Variants in PTPN1 observed in about 807,000 individuals in gnomAD.
PTPN1 encodes the protein protein tyrosine phosphatase non-receptor type 1.
Under a neutral mutation model 59.9 loss-of-function variants are expected in PTPN1, and 12 were observed. That is an observed-to-expected ratio of 0.20 (90% confidence interval 0.13 to 0.32). The LOEUF is 0.32. PTPN1 is among the 10% of genes least tolerant of loss of function. The pLI is 1.00. For synonymous variants in PTPN1, 178 were observed against 203.6 expected (o/e 0.87, Z 1.07); for missense variants, 356 against 549.2 (o/e 0.65, Z 3.52).
chr20:50,538,886 T>C (rs555422444), intron 1 of PTPN1, among the ~76,000 whole-genome samples: 1 of 152,266 alleles, frequency 6.6e-6, no homozygotes, highest in South Asian at 2.1e-4. Flanking sequence ...ATAAGCAAGA[T>C]TGTTTTACTT....
In PTPN1 at chr20:50,574,342, G is replaced by T. The variant is rs928832368; in HGVS notation, c.355-175G>T. ...ACAACCTGCCCCGGTCAGCAGCTTC[G>T]TGCCCCCACCCCCATCTCCCCATGA... On this transcript the variant is annotated intron_variant, in intron 4 of 9. Transcript: ENST00000371621. 6 of 613,780 alleles carry T rather than the reference G, an allele frequency of 9.8e-6. No homozygotes were observed. In the South Asian group the frequency reaches 1.6e-4, roughly 16 times the overall value. 38.0% of individuals were successfully genotyped at this position (613,780 alleles called of 1,614,324 possible). A position where few individuals can be genotyped will look rare whatever the true frequency, so the allele number is the denominator to read the frequency against.
chr20:50,557,468 C>T (rs1474085828), intron 1 of PTPN1, among the ~76,000 whole-genome samples: 1 of 152,170 alleles, frequency 6.6e-6, no homozygotes, highest in South Asian at 2.1e-4. Flanking sequence ...TTTTCTTAAA[C>T]AGCCATCCCC....
chr20:50,558,921 T>A (rs1415237360), intron 1 of PTPN1, among the ~76,000 whole-genome samples: 2 of 152,182 alleles, frequency 1.3e-5, no homozygotes, highest in East Asian at 3.8e-4. Flanking sequence ...CCTATATCTT[T>A]CTCTTTCTTG....
chr20:50,570,750 GGC>G (rs1475142196), intron 4 of PTPN1, among the ~76,000 whole-genome samples: 1 of 152,146 alleles, frequency 6.6e-6, no homozygotes, highest in Non-Finnish European at 1.5e-5. Flanking sequence ...GGCTGTGCTG[GGC>G]GCTGTAGGAA....
chr20:50,531,304 G>T (rs2082599836), intron 1 of PTPN1, among the ~76,000 whole-genome samples: 1 of 152,142 alleles, frequency 6.6e-6, no homozygotes, highest in Non-Finnish European at 1.5e-5. Context: ...TGAGATTGAA[G>T]GCCAGAGGTG....
At chr20:50,513,058 T>G (rs1601382481) in intron 1 of PTPN1, among the ~76,000 whole-genome samples, 1 of 152,126 alleles carries the variant, frequency 6.6e-6, no homozygotes, top group Non-Finnish European at 1.5e-5. Context: ...TTGAAAACTA[T>G]TGGGAAAAGA....
At chr20:50,561,484 GCTCTTC>G in intron 2 of PTPN1, 31 bp downstream of exon 2, 1 of 1,458,676 alleles carries the variant, frequency 6.9e-7, no homozygotes, top group East Asian at 2.3e-5. Flanking sequence ...TACCAGTCTT[GCTCTTC>G]CTTTGCTGCA....
chr20:50,526,497 T>A (rs2082576116), intron 1 of PTPN1, among the ~76,000 whole-genome samples: 1 of 152,116 alleles, frequency 6.6e-6, no homozygotes, highest in Non-Finnish European at 1.5e-5. Flanking sequence ...GTCAGTGCAT[T>A]TGGGCAGCCC....
chr20:50,573,544 C>G (rs560654428), intron 4 of PTPN1: 1 of 152,294 alleles, frequency 6.6e-6, no homozygotes, highest in East Asian at 1.9e-4. Context: ...CATCCTTTGC[C>G]CCAGAGGAGG....
intron 1 of PTPN1, among the ~76,000 whole-genome samples, chr20:50,525,073 T>G (rs1421869374): frequency 6.6e-6 from 1 of 152,234 alleles, no homozygotes; most frequent in Non-Finnish European, 1.5e-5. Flanking sequence ...ATTTATTTAT[T>G]TTTGAGATGG....
intron 1 of PTPN1, among the ~76,000 whole-genome samples, chr20:50,538,947 T>C (rs796980358): frequency 4.6e-5 from 7 of 152,168 alleles, no homozygotes; most frequent in African/African-American, 1.7e-4. Context: ...AGCTGTAGTA[T>C]AGAGTGTTGT....
intron 1 of PTPN1, among the ~76,000 whole-genome samples, chr20:50,521,699 G>A (rs570507467): frequency 6.6e-6 from 1 of 152,186 alleles, no homozygotes; most frequent in African/African-American, 2.4e-5. Context: ...CTTGCTTCAC[G>A]CAATGCTTTT....
At chr20:50,560,653 T>A (rs1407377573) in intron 1 of PTPN1, among the ~76,000 whole-genome samples, 1 of 151,326 alleles carries the variant, frequency 6.6e-6, no homozygotes, top group Non-Finnish European at 1.5e-5. Flanking sequence ...ATACAAAACA[T>A]AAAGTGTTCC....
intron 1 of PTPN1, among the ~76,000 whole-genome samples, chr20:50,554,427 G>A (rs940100773): frequency 4.6e-5 from 5 of 109,808 alleles, no homozygotes; most frequent in Admixed American, 9.0e-5. Context: ...GTGAAATAAC[G>A]ACTTATTTGG....
intron 5 of PTPN1, among the ~76,000 whole-genome samples, chr20:50,576,665 A>G (rs1424947916): frequency 6.6e-6 from 1 of 151,986 alleles, no homozygotes; most frequent in African/African-American, 2.4e-5. Context: ...CCAGGGGTTC[A>G]AGACCAGCCT....
At chr20:50,578,992 A>G (rs570823136) in intron 6 of PTPN1, among the ~76,000 whole-genome samples, 176 bp from the exon 7 acceptor site, 1 of 152,310 alleles carries the variant, frequency 6.6e-6, no homozygotes, top group African/African-American at 2.4e-5. Context: ...GAGGGCACCA[A>G]GCCTTTCATG....
In PTPN1 at chr20:50,563,460, G is replaced by A. The variant is rs35340473; in HGVS notation, c.155-1509G>A. On this transcript the variant is annotated intron_variant, in intron 2 of 9. Transcript: ENST00000371621. Reference sequence around the variant, plus strand: ...GCAAATGAAAAAACCAAGGCTCTGAGGTGAGTTGTTTGCCCAGAGTCACCC... The same window carrying A: ...GCAAATGAAAAAACCAAGGCTCTGAAGTGAGTTGTTTGCCCAGAGTCACCC... 3.8e-3 allele frequency among the ~76,000 whole-genome samples: 572 copies of A among 152,228 alleles called. 6 individuals carry two copies. The highest frequency in any genetic ancestry group is 0.013 in the African/African-American group (551 of 41,542).
At chr20:50,539,794 C>A (rs2904269) in intron 1 of PTPN1, among the ~76,000 whole-genome samples, 78,604 of 151,400 alleles carry the variant, frequency 0.52, 21,003 homozygotes, top group African/African-American at 0.66. Context: ...TTCAAAGTCT[C>A]ATCATTTATG....
intron 2 of PTPN1, among the ~76,000 whole-genome samples, chr20:50,562,450 T>C (rs1162283868): frequency 6.6e-6 from 1 of 152,226 alleles, no homozygotes; most frequent in Non-Finnish European, 1.5e-5. Context: ...CATGGTTCCC[T>C]GCCTGGTTTT....
Sources: gnomAD v4.1 joint callset for allele counts (sites outside exome capture counted in the v4.1 genomes callset) on GRCh38, gnomAD v4.1.1 for gene constraint, MANE v1.5 for transcripts, NCBI Gene and HGNC (gene_info 2026-07-23, HGNC 2026-07-21) for gene names.